The following PPFIA2 variants were observed in gnomAD, a reference collection of about 807,000 sequenced individuals.
PPFIA2 encodes PPFI scaffold protein A2, also known as liprin-alpha-2.
Under a neutral mutation model 175.5 loss-of-function variants are expected in PPFIA2, and 46 were observed. The ratio of observed to expected loss-of-function variants is 0.26; its 90% CI spans 0.21 to 0.34. The LOEUF is 0.34. Among genes scored for constraint, PPFIA2 ranks in the 10% least tolerant of loss-of-function variants. The pLI, the probability that PPFIA2 is intolerant of heterozygous loss-of-function variation, is 1.00. For synonymous variants in PPFIA2, 568 were observed against 511.4 expected, an observed-to-expected ratio of 1.11 and a Z score of -1.49; for missense variants, 1,179 against 1,506.1, an observed-to-expected ratio of 0.78 and a Z score of 3.60.
At chr12:81,366,639 T>A (rs999318106) in intron 14 of PPFIA2, among the ~76,000 whole-genome samples, 16 of 151,768 alleles carry the variant, frequency 1.1e-4, no homozygotes, top group Non-Finnish European at 2.1e-4. Flanking sequence ...TCTCCTCAGT[T>A]AGATTTTTTT....
chr12:81,262,221 C>T (rs1021478447), intron 31 of PPFIA2, among the ~76,000 whole-genome samples, 181 bp from the exon 32 acceptor site: 1 of 152,110 alleles, frequency 6.6e-6, no homozygotes, highest in Admixed American at 6.5e-5. Context: ...AAATTTATCC[C>T]AATGTAAATG....
At chr12:81,557,194 TACACACAC>T (rs10581154) in intron 4 of PPFIA2, among the ~76,000 whole-genome samples, 1 of 149,108 alleles carries the variant, frequency 6.7e-6, no homozygotes, top group East Asian at 2.0e-4. Flanking sequence ...ATCTTATATC[TACACACAC>T]ACACACACAC....
chr12:81,620,732 G>A (rs1402990417), intron 4 of PPFIA2, among the ~76,000 whole-genome samples: 2 of 152,210 alleles, frequency 1.3e-5, no homozygotes, highest in African/African-American at 4.8e-5. Context: ...AATCTGGTAG[G>A]AGTGGGGCTG....
At chr12:81,277,443 A>G in intron 27 of PPFIA2, 29 bp from the exon 28 acceptor site, 1 of 1,477,326 alleles carries the variant, frequency 6.8e-7, no homozygotes, top group Non-Finnish European at 8.9e-7. Context: ...AAAAAAAAAC[A>G]CAGTGAGTCT....
At chr12:81,360,469 G>A (rs903339661) in intron 15 of PPFIA2, among the ~76,000 whole-genome samples, 11 of 151,700 alleles carry the variant, frequency 7.3e-5, no homozygotes, top group African/African-American at 2.7e-4. Flanking sequence ...GTTCTCTGTT[G>A]TCCTTTCCAA....
chr12:81,445,154 T>A (rs989152072), intron 6 of PPFIA2, among the ~76,000 whole-genome samples: 7 of 139,990 alleles, frequency 5.0e-5, no homozygotes, highest in South Asian at 2.2e-4. Context: ...AAAATATACA[T>A]AATTTTCAGT....
intron 4 of PPFIA2, among the ~76,000 whole-genome samples, chr12:81,511,101 T>G (rs1273462264): frequency 6.6e-6 from 1 of 151,930 alleles, no homozygotes; most frequent in Non-Finnish European, 1.5e-5. Flanking sequence ...AACAAAAAAA[T>G]CTGTTAATTT....
chr12:81,302,759 C>A, intron 22 of PPFIA2: 1 of 422,752 alleles, frequency 2.4e-6, no homozygotes, highest in Non-Finnish European at 4.8e-6. Flanking sequence ...GCAATATTGC[C>A]TTGCATTATT....
chr12:81,383,773 C>A (rs1390926104), intron 9 of PPFIA2, among the ~76,000 whole-genome samples: 3 of 152,036 alleles, frequency 2.0e-5, no homozygotes, highest in African/African-American at 4.8e-5. Context: ...TTATTAACAG[C>A]TTCAGAATGT....
At chr12:81,277,727 T>G (rs2136757962) in intron 27 of PPFIA2, among the ~76,000 whole-genome samples, 1 of 152,298 alleles carries the variant, frequency 6.6e-6, no homozygotes, top group East Asian at 1.9e-4. Flanking sequence ...TGCAGGCAAA[T>G]TAATATTTTA....
At chr12:81,332,535 T>G (rs1199915459) in intron 21 of PPFIA2, among the ~76,000 whole-genome samples, 1 of 152,112 alleles carries the variant, frequency 6.6e-6, no homozygotes, top group Non-Finnish European at 1.5e-5. Flanking sequence ...TCTCCAAACA[T>G]TATGTCTGTA....
chr12:81,528,325 G>A (rs2063998961), intron 4 of PPFIA2, among the ~76,000 whole-genome samples: 1 of 151,970 alleles, frequency 6.6e-6, no homozygotes, highest in Non-Finnish European at 1.5e-5. Flanking sequence ...AAATGATTAG[G>A]TAAAATGCAC....
intron 7 of PPFIA2, among the ~76,000 whole-genome samples, chr12:81,406,688 T>C (rs1383250426): frequency 6.6e-6 from 1 of 152,024 alleles, no homozygotes; most frequent in Non-Finnish European, 1.5e-5. Flanking sequence ...TATATATCAC[T>C]TTGAAAATAT....
At chr12:81,362,399 G>T (rs568983877) in intron 15 of PPFIA2, among the ~76,000 whole-genome samples, 32 of 151,024 alleles carry the variant, frequency 2.1e-4, no homozygotes, top group Non-Finnish European at 3.3e-4. Context: ...CAATCTCCCT[G>T]TACACAGTTC....
chr12:81,448,875 G>A (rs1369075609), intron 5 of PPFIA2, among the ~76,000 whole-genome samples: 1 of 152,080 alleles, frequency 6.6e-6, no homozygotes, highest in African/African-American at 2.4e-5. Context: ...ATATTAAAAT[G>A]TTGCTTTGTG....
chr12:81,496,579 G>C (rs988932556), intron 4 of PPFIA2, among the ~76,000 whole-genome samples: 1 of 152,020 alleles, frequency 6.6e-6, no homozygotes, highest in Non-Finnish European at 1.5e-5. Context: ...AATAGATGAG[G>C]TAAATGTGGC....
At chr12:81,558,737 G>T (rs1330054931) in intron 4 of PPFIA2, among the ~76,000 whole-genome samples, 1 of 152,130 alleles carries the variant, frequency 6.6e-6, no homozygotes, top group Non-Finnish European at 1.5e-5. Flanking sequence ...GTAATGGCAG[G>T]TGTGGGCAGA....
At chr12:81,431,739 C>T (rs972685640) in intron 7 of PPFIA2, among the ~76,000 whole-genome samples, 18 of 151,970 alleles carry the variant, frequency 1.2e-4, no homozygotes, top group African/African-American at 4.3e-4. Context: ...CATTTCTTAC[C>T]TTTAACTTTT....
chr12:81,512,221 C>G, intron 4 of PPFIA2: 1 of 888,238 alleles, frequency 1.1e-6, no homozygotes, highest in Non-Finnish European at 1.6e-6. Context: ...CTTAAAGTCC[C>G]TTAACGGCTC....
Sources: gnomAD v4.1 joint callset for allele counts (sites outside exome capture counted in the v4.1 genomes callset) on GRCh38, gnomAD v4.1.1 for gene constraint, MANE v1.5 for transcripts, NCBI Gene and HGNC (gene_info 2026-07-23, HGNC 2026-07-21) for gene names.